GPHN: variants seen among roughly 807,000 people sequenced by gnomAD.
GPHN encodes the protein gephyrin.
Under a neutral mutation model 95.5 loss-of-function variants are expected in GPHN, and 17 were observed. The ratio of observed to expected loss-of-function variants is 0.18; its 90% CI spans 0.12 to 0.27. GPHN has a LOEUF of 0.27. GPHN is among the 10% of genes least tolerant of loss of function. The pLI, the probability that GPHN is intolerant of heterozygous loss-of-function variation, is 1.00. For synonymous variants in GPHN, 320 were observed against 322.5 expected (o/e 0.99, Z 0.08); for missense variants, 660 against 978.1 (o/e 0.67, Z 4.34).
chr14:66,924,987 G>A (rs2066412990), intron 8 of GPHN, among the ~76,000 whole-genome samples: 1 of 151,922 alleles, frequency 6.6e-6, no homozygotes, highest in African/African-American at 2.4e-5. Flanking sequence ...TAAAATGAGA[G>A]GGGCAGAGAA....
intron 3 of GPHN, among the ~76,000 whole-genome samples, chr14:66,789,715 C>G (rs1195040770): frequency 6.6e-6 from 1 of 152,180 alleles, no homozygotes; most frequent in Non-Finnish European, 1.5e-5. Context: ...GCAAAGCAAT[C>G]TGAAGCCAAT....
chr14:67,122,791 T>C (rs1461382992), intron 17 of GPHN, among the ~76,000 whole-genome samples: 2 of 152,238 alleles, frequency 1.3e-5, no homozygotes, highest in Non-Finnish European at 2.9e-5. Flanking sequence ...ACAATTTTTT[T>C]CTAGGACTTC....
chr14:67,070,715 A>AAAAATATATATATATATAT, intron 11 of GPHN, among the ~76,000 whole-genome samples: 2 of 80,738 alleles, frequency 2.5e-5, no homozygotes, highest in African/African-American at 2.5e-4. Context: ...AAAAAAAAAA[A>AAAAATATATATATATATAT]ATATATATAT....
intron 8 of GPHN, among the ~76,000 whole-genome samples, chr14:66,959,769 T>G (rs780829397): frequency 6.6e-6 from 1 of 152,060 alleles, no homozygotes. Context: ...ATTCATGTCT[T>G]TCATCAAATT....
chr14:67,437,659 G>T, the GPHN span, among the ~76,000 whole-genome samples: 10 of 152,140 alleles, frequency 6.6e-5, no homozygotes, highest in Non-Finnish European at 1.3e-4. Context: ...TGGAGGAGGG[G>T]GGAGAGAGAG....
chr14:66,629,122 T>C (rs2063644473), intron 1 of GPHN, among the ~76,000 whole-genome samples: 1 of 136,234 alleles, frequency 7.3e-6, no homozygotes, highest in Middle Eastern at 3.4e-3. Context: ...CATATATAAA[T>C]ATGTATATAA....
chr14:66,924,085 A>G (rs1460902620), intron 7 of GPHN, 109 bp from the exon 8 acceptor site: 3 of 711,596 alleles, frequency 4.2e-6, no homozygotes, highest in Non-Finnish European at 7.7e-6. Flanking sequence ...AAATGTTAGC[A>G]TTTCATTTTT....
intron 9 of GPHN, among the ~76,000 whole-genome samples, chr14:66,980,370 A>G (rs556101415): frequency 1.7e-4 from 26 of 152,308 alleles, no homozygotes; most frequent in African/African-American, 6.3e-4. Flanking sequence ...ATTTCAGTGA[A>G]AGTTCAAAGA....
chr14:66,711,946 T>A (rs1873001057), intron 2 of GPHN, among the ~76,000 whole-genome samples: 1 of 152,182 alleles, frequency 6.6e-6, no homozygotes, highest in Non-Finnish European at 1.5e-5. Flanking sequence ...CTGCATAGTA[T>A]TCCATGATGT....
At chr14:67,638,070 T>A in the GPHN span, among the ~76,000 whole-genome samples, 2 of 152,198 alleles carry the variant, frequency 1.3e-5, no homozygotes, top group African/African-American at 4.8e-5. Flanking sequence ...GTCTCTGAAT[T>A]ACTGCATAAA....
At chr14:66,739,214 A>C (rs1010721606) in intron 2 of GPHN, among the ~76,000 whole-genome samples, 14 of 143,786 alleles carry the variant, frequency 9.7e-5, no homozygotes, top group African/African-American at 3.8e-4. Flanking sequence ...ATTTTTTCTT[A>C]CAGCTTTTTT....
chr14:66,513,405 G>C (rs1309063256), intron 1 of GPHN, among the ~76,000 whole-genome samples: 1 of 151,776 alleles, frequency 6.6e-6, no homozygotes, highest in Non-Finnish European at 1.5e-5. Flanking sequence ...TAGGGAGGAA[G>C]TGACGAATAA....
At chr14:66,622,585 A>G (rs1272818962) in intron 1 of GPHN, among the ~76,000 whole-genome samples, 1 of 152,172 alleles carries the variant, frequency 6.6e-6, no homozygotes, top group Non-Finnish European at 1.5e-5. Context: ...GAATGCCTTT[A>G]ACAGCACCCA....
chr14:67,311,310 CAAAAA>C, the GPHN span, among the ~76,000 whole-genome samples: 1 of 63,956 alleles, frequency 1.6e-5, no homozygotes, highest in East Asian at 3.3e-4. Context: ...GACTCCGTCT[CAAAAA>C]AAAAAAAAAA....
chr14:67,007,847 G>A (rs957255359), intron 9 of GPHN, among the ~76,000 whole-genome samples: 2 of 152,106 alleles, frequency 1.3e-5, no homozygotes, highest in African/African-American at 4.8e-5. Context: ...TGAAAAAGAG[G>A]GAGGAGTGAT....
intron 1 of GPHN, among the ~76,000 whole-genome samples, chr14:66,662,226 C>G (rs2065702678): frequency 6.6e-6 from 1 of 152,148 alleles, no homozygotes; most frequent in Admixed American, 6.5e-5. Context: ...TGACACCTCC[C>G]AACCAGTGTC....
At chr14:67,614,875 A>G in the GPHN span, 2 of 148,132 alleles carry the variant, frequency 1.4e-5, no homozygotes, top group Non-Finnish European at 3.0e-5. Flanking sequence ...TTGTATCTGT[A>G]TGGTAGAAAT....
the GPHN span, among the ~76,000 whole-genome samples, chr14:67,707,702 G>A: frequency 6.6e-6 from 1 of 152,186 alleles, no homozygotes; most frequent in East Asian, 1.9e-4. Flanking sequence ...ACTGTGTTCT[G>A]TAGAAAGAAT....
At chr14:67,392,243 C>A in the GPHN span, 5 of 940,784 alleles carry the variant, frequency 5.3e-6, no homozygotes, top group Non-Finnish European at 8.8e-6. Context: ...GCAGCCTCAG[C>A]CCTTCCCTTC....
Sources: allele counts gnomAD v4.1 joint callset (sites outside exome capture counted in the v4.1 genomes callset), GRCh38; gene constraint gnomAD v4.1.1; transcripts MANE v1.5; gene names NCBI Gene and HGNC (gene_info 2026-07-23, HGNC 2026-07-21).